The following B3GALT1 variants were observed in gnomAD, a reference collection of about 807,000 sequenced individuals.
The protein encoded by B3GALT1 is beta-1,3-galactosyltransferase 1.
B3GALT1 carries 10 observed loss-of-function variants against 23.2 expected under a neutral mutation model. The ratio of observed to expected loss-of-function variants is 0.43; its 90% CI spans 0.27 to 0.73. The LOEUF (loss-of-function observed/expected upper bound fraction) is 0.73. Ranked by LOEUF, B3GALT1 falls within the 30% of genes least tolerant of loss-of-function variation. The probability of loss-of-function intolerance (pLI) is 0.21; values close to 1 mark genes in which losing one functional copy is unlikely to be tolerated. For synonymous variants in B3GALT1, 156 were observed against 141.5 expected, an observed-to-expected ratio of 1.10 and a Z score of -0.73; for missense variants, 299 against 405.4, an observed-to-expected ratio of 0.74 and a Z score of 2.25.
intron 1 of B3GALT1, among the ~76,000 whole-genome samples, chr2:167,336,692 C>T (rs1455660137): frequency 2.0e-5 from 3 of 152,094 alleles, no homozygotes; most frequent in Non-Finnish European, 4.4e-5. Flanking sequence ...TATCAGTCTA[C>T]ACAAAGTCTA....
intron 1 of B3GALT1, among the ~76,000 whole-genome samples, chr2:167,374,106 C>T (rs1014370262): frequency 2.6e-5 from 4 of 152,158 alleles, no homozygotes; most frequent in African/African-American, 9.7e-5. Flanking sequence ...CAAGTGAGAA[C>T]ATGCAGTGTT....
At chr2:167,537,150 G>C (rs1036845688) in intron 2 of B3GALT1, among the ~76,000 whole-genome samples, 1 of 152,136 alleles carries the variant, frequency 6.6e-6, no homozygotes, top group Non-Finnish European at 1.5e-5. Context: ...GAAGTTGAAT[G>C]AGTAGCAGTG....
rs745937804 is a variant in B3GALT1, at chr2:167,736,277, A to T, written c.-351-82395A>T. Among the ~76,000 whole-genome samples, 3 of 148,404 alleles carry T rather than the reference A, an allele frequency of 2.0e-5. No individual in the cohort carries two copies. In the Admixed American group the frequency reaches 2.1e-4, roughly 10 times the overall value. On this transcript the variant is annotated intron_variant, in intron 3 of 4. Coordinates refer to ENST00000392690, the MANE Select transcript of B3GALT1 (RefSeq NM_020981.4). ...AAAATGACATGTCTGTAATGATATT[A>T]TAATAGAAATCCTATTTCATTCAAA...
intron 3 of B3GALT1, chr2:167,715,750 G>A: frequency 6.2e-7 from 1 of 1,613,036 alleles, no homozygotes; most frequent in Non-Finnish European, 8.5e-7. Flanking sequence ...GTACTTCATA[G>A]CCTTCATACT....
intron 1 of B3GALT1, among the ~76,000 whole-genome samples, chr2:167,431,225 G>A (rs549446129): frequency 7.9e-5 from 12 of 152,248 alleles, no homozygotes; most frequent in South Asian, 6.2e-4. Flanking sequence ...ATTTTCCTCA[G>A]AAAACAATAC....
At chr2:167,730,171 G>A (rs1287915290) in intron 3 of B3GALT1, among the ~76,000 whole-genome samples, 3 of 152,054 alleles carry the variant, frequency 2.0e-5, no homozygotes, top group Non-Finnish European at 2.9e-5. Flanking sequence ...CCGCCGGGGC[G>A]CTCATCCACA....
chr2:167,395,598 T>C (rs183370070), intron 1 of B3GALT1, among the ~76,000 whole-genome samples: 65 of 152,222 alleles, frequency 4.3e-4, no homozygotes, highest in Admixed American at 4.1e-3. Flanking sequence ...AATTCTAAGA[T>C]AATAAATTTG....
At chr2:167,355,117 C>G (rs1343067959) in intron 1 of B3GALT1, among the ~76,000 whole-genome samples, 1 of 152,206 alleles carries the variant, frequency 6.6e-6, no homozygotes, top group Non-Finnish European at 1.5e-5. Flanking sequence ...ATGTGGGACA[C>G]TAGTTGCTGT....
chr2:167,820,769 A>C (rs73021238), intron 4 of B3GALT1, among the ~76,000 whole-genome samples: 1 of 152,256 alleles, frequency 6.6e-6, no homozygotes, highest in Non-Finnish European at 1.5e-5. Context: ...AGCTTCGCTG[A>C]TTTGTAAAAT....
At chr2:167,781,010 A>G (rs1303656223) in intron 3 of B3GALT1, among the ~76,000 whole-genome samples, 2 of 152,218 alleles carry the variant, frequency 1.3e-5, no homozygotes, top group Non-Finnish European at 2.9e-5. Context: ...AATATTTTAA[A>G]CATTTGAAAT....
chr2:167,847,545 A>G (rs537132709), intron 4 of B3GALT1, among the ~76,000 whole-genome samples: 6 of 152,322 alleles, frequency 3.9e-5, no homozygotes, highest in South Asian at 2.1e-4. Context: ...CTGAATGACA[A>G]TAATGACACA....
At chr2:167,728,902 TAAG>T (rs2105263498) in intron 3 of B3GALT1, among the ~76,000 whole-genome samples, 1 of 152,342 alleles carries the variant, frequency 6.6e-6, no homozygotes, top group East Asian at 1.9e-4. Context: ...TACTGTGAAT[TAAG>T]AAGATACCCT....
intron 4 of B3GALT1, among the ~76,000 whole-genome samples, chr2:167,839,634 C>CATCA (rs1689586731): frequency 6.6e-6 from 1 of 152,264 alleles, no homozygotes; most frequent in South Asian, 2.1e-4. Context: ...ATGCCATCCC[C>CATCA]ATCAAGCTAC....
intron 1 of B3GALT1, among the ~76,000 whole-genome samples, chr2:167,303,176 A>G (rs1041017612): frequency 3.3e-5 from 5 of 152,192 alleles, no homozygotes; most frequent in African/African-American, 1.2e-4. Context: ...ACAATCTGAC[A>G]GCTGGTTTCT....
At chr2:167,829,282 G>C (rs1689292325) in intron 4 of B3GALT1, among the ~76,000 whole-genome samples, 1 of 152,080 alleles carries the variant, frequency 6.6e-6, no homozygotes, top group Non-Finnish European at 1.5e-5. Context: ...AGGAGTTCGA[G>C]ACCAGCCTGG....
intron 2 of B3GALT1, among the ~76,000 whole-genome samples, chr2:167,591,475 T>A (rs116461327): frequency 0.019 from 2,924 of 152,128 alleles, 41 homozygotes; most frequent in Middle Eastern, 0.041. Flanking sequence ...TTTATTTATT[T>A]ATTTATTTAT....
chr2:167,467,143 A>G (rs1699360696), intron 1 of B3GALT1, among the ~76,000 whole-genome samples: 1 of 151,902 alleles, frequency 6.6e-6, no homozygotes, highest in African/African-American at 2.4e-5. Context: ...CCAGCAGGGT[A>G]GGAGACATTC....
intron 3 of B3GALT1, among the ~76,000 whole-genome samples, chr2:167,787,389 A>G (rs1688358998): frequency 6.6e-6 from 1 of 152,218 alleles, no homozygotes; most frequent in Admixed American, 6.5e-5. Context: ...CCTCATCAGA[A>G]ATGAACAAAC....
At chr2:167,737,461 G>A (rs1371815848) in intron 3 of B3GALT1, among the ~76,000 whole-genome samples, 1 of 152,192 alleles carries the variant, frequency 6.6e-6, no homozygotes, top group Non-Finnish European at 1.5e-5. Context: ...GCTGTGTATT[G>A]TTTTCAGTTC....
Sources: allele counts gnomAD v4.1 joint callset (sites outside exome capture counted in the v4.1 genomes callset), GRCh38; gene constraint gnomAD v4.1.1; transcripts MANE v1.5; gene names NCBI Gene and HGNC (gene_info 2026-07-23, HGNC 2026-07-21).